The following DLGAP1 variants were observed in gnomAD, a reference collection of about 807,000 sequenced individuals.
DLGAP1 encodes disks large-associated protein 1.
In DLGAP1, 11 loss-of-function variants were observed where a neutral mutation model predicts 90.8. That is an observed-to-expected ratio of 0.12 (90% CI 0.08 to 0.20). The LOEUF (loss-of-function observed/expected upper bound fraction) is 0.20. Ranked by LOEUF, DLGAP1 falls within the 10% of genes least tolerant of loss-of-function variation. The pLI is 1.00. For missense variants in DLGAP1, 1,050 were observed against 1,333.8 expected, an observed-to-expected ratio of 0.79 and a Z score of 3.31; for synonymous variants, 558 against 540.7, an observed-to-expected ratio of 1.03 and a Z score of -0.44.
At chr18:4,087,671 T>G (rs2075707137) in intron 2 of DLGAP1, among the ~76,000 whole-genome samples, 1 of 152,232 alleles carries the variant, frequency 6.6e-6, no homozygotes, top group Non-Finnish European at 1.5e-5. Context: ...GCCACTGGGT[T>G]AGGGTCTCCA....
intron 2 of DLGAP1, among the ~76,000 whole-genome samples, chr18:4,078,194 T>C (rs2075552358): frequency 6.6e-6 from 1 of 152,172 alleles, no homozygotes; most frequent in African/African-American, 2.4e-5. Context: ...ATACATATCC[T>C]TCTAGAAAGA....
At chr18:3,746,716 T>C (rs918377482) in intron 5 of DLGAP1, among the ~76,000 whole-genome samples, 1 of 152,126 alleles carries the variant, frequency 6.6e-6, no homozygotes, top group Non-Finnish European at 1.5e-5. Context: ...TCACCAAGCA[T>C]ATGACAAAAT....
chr18:4,081,435 A>G (rs553358942), intron 2 of DLGAP1, among the ~76,000 whole-genome samples: 5 of 152,260 alleles, frequency 3.3e-5, no homozygotes, highest in African/African-American at 1.2e-4. Flanking sequence ...TAAGACTCCT[A>G]TAGTGTGCCT....
chr18:4,454,347 A>G lies in DLGAP1; in HGVS notation c.-267+659T>C, dbSNP rs114055622. ...CCGGCCCGCCCCGCGATTCTCCGGGAATTGGCCTTGGCCGCGGGCAGGGGG... is the reference window on the plus strand; with the variant it reads ...CCGGCCCGCCCCGCGATTCTCCGGGGATTGGCCTTGGCCGCGGGCAGGGGG... On this transcript the variant is annotated intron_variant, in intron 1 of 12. Transcript: ENST00000315677. The surrounding 1 kb of genome is among the most constrained non-coding windows in gnomAD (Gnocchi z 4.7). Among the ~76,000 whole-genome samples the G allele has an allele frequency of 1.3e-5, 2 of 151,654 alleles. No individual in the cohort carries two copies. Among genetic ancestry groups the G allele is most frequent in the African/African-American group, 4.8e-5 (2 of 41,244 alleles).
At chr18:3,982,706 T>C (rs2073759766) in intron 3 of DLGAP1, among the ~76,000 whole-genome samples, 1 of 152,162 alleles carries the variant, frequency 6.6e-6, no homozygotes. Flanking sequence ...CCAGCTGGTT[T>C]GGAAGCTCAG....
At chr18:3,694,930 GTTTT>G (rs894181264) in intron 7 of DLGAP1, among the ~76,000 whole-genome samples, 4 of 128,028 alleles carry the variant, frequency 3.1e-5, no homozygotes, top group Non-Finnish European at 6.6e-5. Context: ...TGCTTTTGGT[GTTTT>G]TTTTGTTTTT....
intron 2 of DLGAP1, among the ~76,000 whole-genome samples, chr18:4,108,378 T>C (rs563997934): frequency 2.0e-5 from 3 of 152,242 alleles, no homozygotes; most frequent in African/African-American, 7.2e-5. Flanking sequence ...GGGCTTTGGG[T>C]CTCCTTTCTG....
Position 3,534,610 on chromosome 18 carries a change from C to A in DLGAP1, c.2063G>T (p.Arg688Leu), listed in dbSNP as rs202171434. The A allele has an allele frequency of 4.4e-5, 69 of 1,554,144 alleles. No homozygotes were observed. The highest frequency in any genetic ancestry group is 5.6e-5 in the Non-Finnish European group (65 of 1,150,752). Residue 688 changes from arginine (R) to leucine (L), a missense_variant, in exon 10 of 13, where the codon CGC becomes CTC. Arg to Leu is a moderately radical substitution (Grantham distance 102, BLOSUM62 -2). Transcript: ENST00000315677. The stretch of plus-strand genomic sequence containing the variant: ...CACACTGTTGGATCGAGTGAACCTG[C>A]GGAAGCTTGGGAGAATAGAAAAAAG... Reference protein sequence around the residue: ...GVQVEEEKCFRRFTRSNSVTT... With the variant: ...GVQVEEEKCFLRFTRSNSVTT...
intron 1 of DLGAP1, among the ~76,000 whole-genome samples, chr18:4,262,356 C>G (rs1387566432): frequency 1.3e-5 from 2 of 152,074 alleles, no homozygotes; most frequent in Non-Finnish European, 1.5e-5. Flanking sequence ...TGTGTGCATG[C>G]AGGGATGCTG....
chr18:4,382,460 A>G (rs773092850), intron 1 of DLGAP1, among the ~76,000 whole-genome samples: 2 of 150,060 alleles, frequency 1.3e-5, no homozygotes, highest in Non-Finnish European at 3.0e-5. Flanking sequence ...AAAAAAAATA[A>G]CTGGGGCCAA....
At chr18:4,388,612 T>G (rs1055062680) in intron 1 of DLGAP1, among the ~76,000 whole-genome samples, 11 of 152,194 alleles carry the variant, frequency 7.2e-5, no homozygotes, top group Non-Finnish European at 1.6e-4. Context: ...CTGAAACTAT[T>G]GCAGGTAAGA....
intron 7 of DLGAP1, among the ~76,000 whole-genome samples, chr18:3,642,415 CAT>C (rs1364399399): frequency 2.6e-5 from 4 of 152,180 alleles, no homozygotes; most frequent in African/African-American, 9.7e-5. Flanking sequence ...GCTTACCTGG[CAT>C]ATGTAAATGT....
intron 1 of DLGAP1, among the ~76,000 whole-genome samples, chr18:4,260,812 C>A (rs2145260737): frequency 6.6e-6 from 1 of 152,260 alleles, no homozygotes; most frequent in South Asian, 2.1e-4. Context: ...AATAATAAGA[C>A]ATGGTGAACT....
chr18:4,375,489 T>C (rs911674234), intron 1 of DLGAP1, among the ~76,000 whole-genome samples: 2 of 152,252 alleles, frequency 1.3e-5, no homozygotes, highest in East Asian at 1.9e-4. Context: ...ACTTGTCTAC[T>C]TGGTGATAAA....
At chr18:4,024,235 G>C (rs989200921) in intron 2 of DLGAP1, among the ~76,000 whole-genome samples, 1 of 152,154 alleles carries the variant, frequency 6.6e-6, no homozygotes, top group African/African-American at 2.4e-5. Flanking sequence ...ACTTGTCAAA[G>C]ACAAAGTATT....
At chr18:3,537,937 C>T (rs1282826127) in intron 9 of DLGAP1, among the ~76,000 whole-genome samples, 2 of 152,126 alleles carry the variant, frequency 1.3e-5, no homozygotes, top group Non-Finnish European at 1.5e-5. Flanking sequence ...CAGCCTTAAA[C>T]AATAGTGCAC....
chr18:3,772,337 TC>T lies in DLGAP1; in HGVS notation c.1173-29826del, dbSNP rs2064647472. ...TCCTTCCTTCCTTTCTCTCCTTCTC[TC>T]TCTCTCTCTCTTTCTTTCTTTCTTT... is the stretch of plus-strand genomic sequence containing the variant. On this transcript the variant is annotated intron_variant, in intron 5 of 12. Transcript: ENST00000315677. Among the ~76,000 whole-genome samples, 26 of 42,650 alleles carry T rather than the reference TC, an allele frequency of 6.1e-4. 3 individuals are homozygous for T. The highest frequency in any genetic ancestry group is 2.2e-3 in the African/African-American group (21 of 9,438). 28.0% of individuals were successfully genotyped at this position (42,650 alleles called of 152,430 possible).
intron 1 of DLGAP1, among the ~76,000 whole-genome samples, chr18:4,190,941 T>C (rs1019199175): frequency 6.6e-6 from 1 of 152,152 alleles, no homozygotes; most frequent in African/African-American, 2.4e-5. Flanking sequence ...TTTCCAAGTA[T>C]AATAATCTTA....
intron 2 of DLGAP1, among the ~76,000 whole-genome samples, chr18:4,102,277 A>C (rs548835654): frequency 5.9e-5 from 9 of 152,300 alleles, no homozygotes; most frequent in African/African-American, 2.2e-4. Flanking sequence ...TCTTTTGAGA[A>C]ACGATTTTTG....
Sources: gnomAD v4.1 joint callset for allele counts (sites outside exome capture counted in the v4.1 genomes callset) on GRCh38, gnomAD v4.1.1 for gene constraint, Gnocchi (gnomAD v3.1) non-coding constraint, MANE v1.5 for transcripts, NCBI Gene and HGNC (gene_info 2026-07-23, HGNC 2026-07-21) for gene names.